Variants in ARHGAP44 observed in about 807,000 individuals in gnomAD.
ARHGAP44 encodes the protein Rho GTPase activating protein 44.
In ARHGAP44, 43 loss-of-function variants were observed where a neutral mutation model predicts 106.8. That is an observed-to-expected ratio of 0.40 (90% CI 0.32 to 0.52). The LOEUF is 0.52. Among genes scored for constraint, ARHGAP44 ranks in the 20% least tolerant of loss-of-function variants. The pLI is 0.48. For missense variants in ARHGAP44, 866 were observed against 1,050.5 expected (o/e 0.82, Z 2.43); for synonymous variants, 439 against 410.3 (o/e 1.07, Z -0.85).
At position 12,836,606 on chromosome 17, in the gene ARHGAP44, G is replaced by A. The variant is rs934744195; in HGVS notation, c.53+46715G>A. ...GAGATTGCACTGAGCTGAGATCACC[G>A]AGATCACGCCACTGCACTCCAGCCT... On this transcript the variant is annotated intron_variant, in intron 1 of 20. Coordinates refer to ENST00000379672, the MANE Select transcript of ARHGAP44 (RefSeq NM_014859.6). Among the ~76,000 whole-genome samples the A allele has an allele frequency of 4.0e-5, 6 of 151,782 alleles. 1 individual carries two copies. The highest frequency in any genetic ancestry group is 2.1e-4 in the South Asian group (1 of 4,788).
At chr17:12,960,562 T>A (rs1189355383) in intron 16 of ARHGAP44, among the ~76,000 whole-genome samples, 3 of 113,942 alleles carry the variant, frequency 2.6e-5, no homozygotes, top group Non-Finnish European at 5.8e-5. Context: ...CAAGACTCCA[T>A]CTCAAAGAAA....
chr17:12,919,447 G>A (rs540595244), intron 5 of ARHGAP44, among the ~76,000 whole-genome samples: 40 of 150,630 alleles, frequency 2.7e-4, no homozygotes, highest in Admixed American at 1.7e-3. Context: ...GTGGAGTGGT[G>A]TGATCTCGGC....
At chr17:12,980,533 C>G (rs2039805607) in intron 19 of ARHGAP44, among the ~76,000 whole-genome samples, 1 of 152,148 alleles carries the variant, frequency 6.6e-6, no homozygotes, top group East Asian at 1.9e-4. Flanking sequence ...CAGAGACCTG[C>G]CGGGCCCTAC....
chr17:12,905,701 G>A (rs903721557), intron 3 of ARHGAP44, among the ~76,000 whole-genome samples: 2 of 152,184 alleles, frequency 1.3e-5, no homozygotes, highest in Non-Finnish European at 1.5e-5. Flanking sequence ...ACTATCAGAA[G>A]TCCCCTTTAC....
chr17:12,971,911 A>C (rs2039537021), intron 16 of ARHGAP44, among the ~76,000 whole-genome samples: 1 of 151,690 alleles, frequency 6.6e-6, no homozygotes, highest in Non-Finnish European at 1.5e-5. Context: ...TTTCAGCATC[A>C]CTCCCCATAT....
chr17:12,816,901 A>G (rs2150788836), intron 1 of ARHGAP44, among the ~76,000 whole-genome samples: 1 of 152,296 alleles, frequency 6.6e-6, no homozygotes, highest in South Asian at 2.1e-4. Flanking sequence ...AACACTGTAA[A>G]CCAACTGGAT....
intron 1 of ARHGAP44, among the ~76,000 whole-genome samples, chr17:12,834,689 C>T (rs2150818477): frequency 6.6e-6 from 1 of 152,312 alleles, no homozygotes; most frequent in South Asian, 2.1e-4. Context: ...AACAAAGTCC[C>T]TTCCCCCATG....
chr17:12,905,706 C>G (rs1164843142), intron 3 of ARHGAP44, among the ~76,000 whole-genome samples: 1 of 152,220 alleles, frequency 6.6e-6, no homozygotes, highest in Admixed American at 6.5e-5. Context: ...CAGAAGTCCC[C>G]TTTACTATAG....
chr17:12,802,948 TATATATATATATATA>T (rs1288240874), intron 1 of ARHGAP44, among the ~76,000 whole-genome samples: 2,213 of 36,094 alleles, frequency 0.061, 255 homozygotes, highest in South Asian at 0.14. Context: ...TATATATATA[TATATATATATATATA>T]TATATATTTT....
At chr17:12,888,965 C>T (rs978653830) in intron 1 of ARHGAP44, among the ~76,000 whole-genome samples, 17 of 151,988 alleles carry the variant, frequency 1.1e-4, no homozygotes, top group African/African-American at 4.1e-4. Flanking sequence ...TTTTAAGCTG[C>T]CTGTATAATT....
intron 9 of ARHGAP44, 37 bp downstream of exon 9, chr17:12,943,706 G>A (rs766985811): frequency 2.2e-5 from 36 of 1,601,234 alleles, no homozygotes; most frequent in Non-Finnish European, 2.9e-5. Context: ...GGAGGGCCGG[G>A]GTGCCTGCTT....
chr17:12,868,638 GT>G (rs1465848092), intron 1 of ARHGAP44, among the ~76,000 whole-genome samples: 3 of 112,248 alleles, frequency 2.7e-5, no homozygotes, highest in African/African-American at 9.7e-5. Flanking sequence ...TATATGAAAT[GT>G]GTATATATTT....
intron 1 of ARHGAP44, among the ~76,000 whole-genome samples, chr17:12,836,419 G>A (rs1196358210): frequency 2.0e-5 from 3 of 151,816 alleles, no homozygotes; most frequent in African/African-American, 4.8e-5. Flanking sequence ...AGGCTGAGGC[G>A]GGCGGATCAC....
At chr17:12,933,420 A>G (rs2038456560) in intron 7 of ARHGAP44, among the ~76,000 whole-genome samples, 1 of 152,090 alleles carries the variant, frequency 6.6e-6, no homozygotes, top group Non-Finnish European at 1.5e-5. Flanking sequence ...ATAAGACAAA[A>G]CCCACTGAGC....
At chr17:12,811,160 A>C (rs2034427708) in intron 1 of ARHGAP44, among the ~76,000 whole-genome samples, 1 of 151,928 alleles carries the variant, frequency 6.6e-6, no homozygotes, top group Admixed American at 6.6e-5. Flanking sequence ...AAAATACAAA[A>C]AAATTAGCCA....
rs866366401 is a variant in ARHGAP44 at position 12,955,960 on chromosome 17, C to T, written c.1230C>T (p.Leu410=). 6.2e-7 allele frequency: 1 copy of T among 1,612,904 alleles called. No individual in the cohort carries two copies. The highest frequency in any genetic ancestry group is 8.5e-7 in the Non-Finnish European group (1 of 1,179,358). The stretch of plus-strand genomic sequence containing the variant: ...TGGCAATTGTTTTAGGACCCAACCT[C>T]CTATGGCCACAAGCAGAAGGGTAAG... ...SNMAIVLGPN[L]LWPQAEGNIT... is the part of the protein sequence containing the mutation. Residue 410 remains leucine (L), a synonymous_variant, in exon 14 of 21, where the codon CTC becomes CTT. Coordinates refer to ENST00000379672, the MANE Select transcript of ARHGAP44 (RefSeq NM_014859.6).
intron 1 of ARHGAP44, among the ~76,000 whole-genome samples, chr17:12,838,781 C>T (rs1364891495): frequency 6.6e-6 from 1 of 152,160 alleles, no homozygotes; most frequent in African/African-American, 2.4e-5. Flanking sequence ...AAGCGATTCT[C>T]CTGCCTCAGT....
At chr17:12,973,958 T>G in intron 17 of ARHGAP44, 131 bp from the exon 18 acceptor site, 1 of 993,448 alleles carries the variant, frequency 1.0e-6, no homozygotes, top group Non-Finnish European at 1.5e-6. Context: ...ATGCATCGCT[T>G]CCCGGGCCCC....
chr17:12,990,083 TCCGC>T lies in ARHGAP44; in HGVS notation c.2371_2374del (p.Arg791Ter), dbSNP rs774268367. ...ATCCACATAGAGCTCGGGTCGACGC[TCCGC>T]CTGAGTCCCCTGGAGCACATGCGGC... On this transcript the variant is annotated frameshift_variant, in exon 21 of 21. Transcript: ENST00000379672. LOFTEE classifies it high-confidence loss of function. 1 of 1,612,872 alleles carries T rather than the reference TCCGC, an allele frequency of 6.2e-7. No individual in the cohort carries two copies. The highest frequency in any genetic ancestry group is 8.5e-7 in the Non-Finnish European group (1 of 1,179,236).
Sources: gnomAD v4.1 joint callset for allele counts (sites outside exome capture counted in the v4.1 genomes callset) on GRCh38, gnomAD v4.1.1 for gene constraint, MANE v1.5 for transcripts, NCBI Gene and HGNC (gene_info 2026-07-23, HGNC 2026-07-21) for gene names.